Variants in FSTL5 observed in about 807,000 individuals in gnomAD.
FSTL5 encodes the protein follistatin-related protein 5.
FSTL5 carries 62 observed loss-of-function variants against 89.1 expected under a neutral mutation model. That is an observed-to-expected ratio of 0.70 (90% confidence interval 0.57 to 0.86). The LOEUF (loss-of-function observed/expected upper bound fraction) is 0.86, where lower values mean the gene tolerates loss of function less well. Among genes scored for constraint, FSTL5 ranks in the 40% least tolerant of loss-of-function variants. FSTL5 has a pLI of 0.00. For missense variants in FSTL5, 1,057 were observed against 1,001.6 expected (o/e 1.06, Z -0.75); for synonymous variants, 383 against 346.2 (o/e 1.11, Z -1.18).
chr4:161,442,825 AAATAT>A (rs1732817704), intron 15 of FSTL5, among the ~76,000 whole-genome samples: 1 of 152,060 alleles, frequency 6.6e-6, no homozygotes, highest in African/African-American at 2.4e-5. Context: ...CATGCTTTAG[AAATAT>A]GAAACTAATC....
chr4:161,645,553 A>G (rs1009068023), intron 7 of FSTL5, among the ~76,000 whole-genome samples: 2 of 152,186 alleles, frequency 1.3e-5, no homozygotes, highest in Non-Finnish European at 2.9e-5. Flanking sequence ...GTAAAAAGTT[A>G]TTTAGAAAGA....
At chr4:161,833,936 G>A (rs979543585) in intron 4 of FSTL5, among the ~76,000 whole-genome samples, 69 of 152,154 alleles carry the variant, frequency 4.5e-4, no homozygotes, top group African/African-American at 1.6e-3. Context: ...GATGTTAGCT[G>A]GTTATTTTGC....
At chr4:161,587,600 G>T in intron 7 of FSTL5, 25 bp from the exon 8 acceptor site, 1 of 1,555,970 alleles carries the variant, frequency 6.4e-7, no homozygotes, top group East Asian at 2.3e-5. Flanking sequence ...ATAAAACAAG[G>T]TGTTTGCATT....
At chr4:161,734,068 T>A (rs1739709226) in intron 6 of FSTL5, among the ~76,000 whole-genome samples, 1 of 152,154 alleles carries the variant, frequency 6.6e-6, no homozygotes, top group African/African-American at 2.4e-5. Context: ...CTCCATTTCA[T>A]ATTCAATGAG....
In FSTL5 at chr4:161,563,445, C is replaced by G. The variant is rs968195172; in HGVS notation, c.1016-20752G>C. On this transcript the variant is annotated intron_variant, in intron 8 of 15. Coordinates refer to ENST00000306100, the MANE Select transcript of FSTL5 (RefSeq NM_020116.5). ...AATAGGGCTCCAAATTCTCCACATT[C>G]TGACCATCCGTTATTTTCCTGGGCT... Among the ~76,000 whole-genome samples the G allele has an allele frequency of 1.8e-4, 28 of 152,086 alleles. No homozygotes were observed. In the East Asian group the frequency reaches 4.7e-3, roughly 25 times the overall value.
intron 3 of FSTL5, among the ~76,000 whole-genome samples, chr4:161,947,561 A>G (rs1734770098): frequency 6.6e-6 from 1 of 152,092 alleles, no homozygotes; most frequent in Non-Finnish European, 1.5e-5. Context: ...CTTTATTTTC[A>G]GATTCCTCAT....
chr4:162,045,752 G>T (rs1221874290), intron 2 of FSTL5, among the ~76,000 whole-genome samples: 1 of 152,058 alleles, frequency 6.6e-6, no homozygotes, highest in Non-Finnish European at 1.5e-5. Flanking sequence ...AGTATAAAGA[G>T]GTATGCTTGT....
intron 6 of FSTL5, among the ~76,000 whole-genome samples, chr4:161,705,847 C>T (rs1354395522): frequency 6.8e-6 from 1 of 147,766 alleles, no homozygotes; most frequent in Admixed American, 6.8e-5. Context: ...ATCACTTGAG[C>T]CCAGGAAGGT....
chr4:161,602,253 AAGAGAG>A (rs58991875), intron 7 of FSTL5, among the ~76,000 whole-genome samples: 2,921 of 122,740 alleles, frequency 0.024, 63 homozygotes, highest in South Asian at 0.13. Flanking sequence ...GAGGGAGAGA[AAGAGAG>A]AGAGAGAGAG....
intron 3 of FSTL5, among the ~76,000 whole-genome samples, chr4:161,969,572 A>G (rs955973379): frequency 2.6e-5 from 4 of 152,186 alleles, no homozygotes; most frequent in Admixed American, 2.6e-4. Context: ...AAAGAAAAAA[A>G]ATACAGTGAT....
intron 12 of FSTL5, among the ~76,000 whole-genome samples, chr4:161,481,796 A>T (rs1415499676): frequency 1.3e-5 from 2 of 152,160 alleles, no homozygotes; most frequent in East Asian, 3.9e-4. Context: ...TGAAGACTGC[A>T]TACTTTGTGT....
intron 8 of FSTL5, among the ~76,000 whole-genome samples, chr4:161,551,977 T>A (rs562537186): frequency 2.0e-5 from 3 of 152,034 alleles, no homozygotes; most frequent in Admixed American, 2.0e-4. Flanking sequence ...AAAGACAAAA[T>A]TGACAAATGG....
chr4:161,550,158 C>G (rs1412695525), intron 8 of FSTL5, among the ~76,000 whole-genome samples: 1 of 151,820 alleles, frequency 6.6e-6, no homozygotes, highest in East Asian at 1.9e-4. Context: ...GGGACTGTAT[C>G]CTGTACATTG....
intron 3 of FSTL5, among the ~76,000 whole-genome samples, chr4:161,966,053 T>C (rs1735317770): frequency 6.6e-6 from 1 of 152,088 alleles, no homozygotes; most frequent in South Asian, 2.1e-4. Context: ...CTGAGTTTGT[T>C]TATATATACA....
intron 4 of FSTL5, among the ~76,000 whole-genome samples, chr4:161,870,787 C>G (rs1179752765): frequency 6.6e-6 from 1 of 151,996 alleles, no homozygotes; most frequent in African/African-American, 2.4e-5. Context: ...TCTTTGTTTT[C>G]CCAAATAATT....
chr4:162,005,396 T>C (rs1736587647), intron 3 of FSTL5, among the ~76,000 whole-genome samples: 1 of 152,190 alleles, frequency 6.6e-6, no homozygotes, highest in Non-Finnish European at 1.5e-5. Flanking sequence ...CTCTCTACTC[T>C]GGTGTCTTTG....
chr4:161,536,329 T>C (rs1731614389), intron 10 of FSTL5, among the ~76,000 whole-genome samples: 1 of 152,172 alleles, frequency 6.6e-6, no homozygotes, highest in Admixed American at 6.6e-5. Flanking sequence ...AATATCAGTC[T>C]CTTTCCATGA....
intron 12 of FSTL5, among the ~76,000 whole-genome samples, chr4:161,494,880 C>T (rs185139713): frequency 2.0e-5 from 3 of 151,976 alleles, no homozygotes; most frequent in East Asian, 1.9e-4. Flanking sequence ...GGCAACCTTG[C>T]GAGGCCCTGT....
At chr4:161,557,001 T>C (rs1732417524) in intron 8 of FSTL5, among the ~76,000 whole-genome samples, 2 of 151,318 alleles carry the variant, frequency 1.3e-5, no homozygotes, top group Admixed American at 6.6e-5. Flanking sequence ...AGCTTCTTAA[T>C]GGGAATTGTA....
Sources: allele counts gnomAD v4.1 joint callset (sites outside exome capture counted in the v4.1 genomes callset), GRCh38; gene constraint gnomAD v4.1.1; transcripts MANE v1.5; gene names NCBI Gene and HGNC (gene_info 2026-07-23, HGNC 2026-07-21).